The following PPP4R3A variants were observed in gnomAD, a reference collection of about 807,000 sequenced individuals.
The protein encoded by PPP4R3A is serine/threonine-protein phosphatase 4 regulatory subunit 3A.
In PPP4R3A, 15 loss-of-function variants were observed where a neutral mutation model predicts 91.7. The ratio of observed to expected loss-of-function variants is 0.16; its 90% CI spans 0.11 to 0.25. The LOEUF (loss-of-function observed/expected upper bound fraction) is 0.25. Ranked by LOEUF, PPP4R3A falls within the 10% of genes least tolerant of loss-of-function variation. The probability of loss-of-function intolerance (pLI) is 1.00; values close to 1 mark genes in which losing one functional copy is unlikely to be tolerated. For missense variants in PPP4R3A, 623 were observed against 998.4 expected, an observed-to-expected ratio of 0.62 and a Z score of 5.07; for synonymous variants, 377 against 348.7, an observed-to-expected ratio of 1.08 and a Z score of -0.91.
Position 91,470,202 on chromosome 14 carries a change from C to A in PPP4R3A, c.1660+635G>T, listed in dbSNP as rs537885134. On this transcript the variant is annotated intron_variant, in intron 10 of 14. Transcript: ENST00000554943. The stretch of plus-strand genomic sequence containing the variant: ...ACCACTTACATATGGCAACTCATTA[C>A]CTGAGATGTCTGGCTGCTGCTTGAT... Among the ~76,000 whole-genome samples the A allele has an allele frequency of 5.3e-5, 8 of 152,260 alleles. No homozygotes were observed. The South Asian group carries it at 1.5e-3, about 28-fold the overall frequency.
In PPP4R3A at chr14:91,458,678, G is replaced by A. The variant is rs766947577; in HGVS notation, c.*81C>T. The A allele has an allele frequency of 2.2e-5, 35 of 1,596,664 alleles. No homozygotes were observed. The highest frequency in any genetic ancestry group is 6.7e-5 in the East Asian group (3 of 44,766). On this transcript the variant is annotated 3_prime_UTR_variant, in exon 15 of 15. Coordinates refer to ENST00000554943, the MANE Select transcript of PPP4R3A (RefSeq NM_001366432.2). ...TCAGTCATTCACAAGAGACCACTGC[G>A]CTTTGTTGTGGATTTTGTATGGGGG...
Position 91,462,767 on chromosome 14 carries a change from T to G in PPP4R3A, c.1941A>C (p.Gln647His). ...GTTTGGGATTATCTTGCCTTTCTCT[T>G]TGTTGTTCAAATCTCAGTTTTAATC... Reference protein sequence around the residue: ...FKGLKLRFEQQRERQDNPKLD... With the variant: ...FKGLKLRFEQHRERQDNPKLD... Residue 647 changes from glutamine (Q) to histidine (H), a missense_variant, in exon 12 of 15, where the codon CAA becomes CAC. Gln to His is a conservative substitution (Grantham distance 24). Around this residue, in one of 5 missense-constraint regions of PPP4R3A, gnomAD observed 201 missense variants for 229.9 expected, o/e 0.87. Coordinates refer to ENST00000554943, the MANE Select transcript of PPP4R3A (RefSeq NM_001366432.2). The G allele has an allele frequency of 6.2e-7, 1 of 1,613,772 alleles. No homozygotes were observed. Among genetic ancestry groups the G allele is most frequent in the Non-Finnish European group, 8.5e-7 (1 of 1,179,810 alleles).
In PPP4R3A at chr14:91,473,385, A is replaced by G. The variant is rs1266218957; in HGVS notation, c.1267-15T>C. On this transcript the variant is annotated splice_polypyrimidine_tract_variant and intron_variant, in intron 7 of 14. Transcript: ENST00000554943. Reference sequence around the variant, plus strand: ...AGCAAAATATCCTGGAGAGAAAAATAGACATACTCAGGATCACTTATTATG... The same window carrying G: ...AGCAAAATATCCTGGAGAGAAAAATGGACATACTCAGGATCACTTATTATG... 2 of 1,604,830 alleles carry G rather than the reference A, an allele frequency of 1.2e-6. No homozygotes were observed. The highest frequency in any genetic ancestry group is 2.2e-5 in the South Asian group (2 of 89,450).
At chr14:91,505,503 A>C (rs527352639) in intron 1 of PPP4R3A, among the ~76,000 whole-genome samples, 1 of 152,008 alleles carries the variant, frequency 6.6e-6, no homozygotes, top group East Asian at 1.9e-4. Context: ...CCCCTATCAC[A>C]CTATCTCTAG....
intron 14 of PPP4R3A, among the ~76,000 whole-genome samples, chr14:91,459,673 A>G (rs186294013): frequency 6.6e-6 from 1 of 152,020 alleles, no homozygotes; most frequent in African/African-American, 2.4e-5. Context: ...TGTCTCTAAT[A>G]AAATTACAAA....
intron 4 of PPP4R3A, among the ~76,000 whole-genome samples, chr14:91,477,985 T>C (rs1011038128): frequency 2.0e-5 from 3 of 152,178 alleles, no homozygotes; most frequent in Admixed American, 6.5e-5. Flanking sequence ...TGGAAGTAGA[T>C]TCAATACCAC....
At chr14:91,460,329 C>T (rs1465351874) in intron 14 of PPP4R3A, among the ~76,000 whole-genome samples, 3 of 151,580 alleles carry the variant, frequency 2.0e-5, no homozygotes, top group African/African-American at 2.4e-5. Context: ...TGCTTTATTT[C>T]GATGCTAAGG....
intron 1 of PPP4R3A, 82 bp from the exon 2 acceptor site, chr14:91,490,884 A>G: frequency 1.7e-6 from 1 of 577,866 alleles, no homozygotes; most frequent in Non-Finnish European, 2.6e-6. Flanking sequence ...ATATTTCCTT[A>G]AAAAAAATAA....
At chr14:91,480,545 T>A (rs1889494264) in intron 4 of PPP4R3A, among the ~76,000 whole-genome samples, 2 of 152,200 alleles carry the variant, frequency 1.3e-5, no homozygotes, top group Non-Finnish European at 2.9e-5. Context: ...TTTTACAAAT[T>A]CGTTTTAAAT....
intron 4 of PPP4R3A, among the ~76,000 whole-genome samples, chr14:91,478,430 A>T (rs1375454388): frequency 1.3e-5 from 2 of 152,266 alleles, no homozygotes; most frequent in Non-Finnish European, 2.9e-5. Context: ...AACCTGCATT[A>T]AACTGTACCT....
chr14:91,510,442 G>A (rs1347330220), upstream of PPP4R3A: 4 of 152,774 alleles, frequency 2.6e-5, no homozygotes, highest in Non-Finnish European at 5.8e-5. Context: ...GAGTTGCCGA[G>A]GTGGCGGGAG....
At chr14:91,469,982 AAAG>A (rs1159286953) in intron 10 of PPP4R3A, among the ~76,000 whole-genome samples, 9 of 152,268 alleles carry the variant, frequency 5.9e-5, no homozygotes, top group East Asian at 1.9e-4. Context: ...GAAATGAAGT[AAAG>A]AAGATTAGCA....
At chr14:91,491,145 G>T (rs1890213412) in intron 1 of PPP4R3A, among the ~76,000 whole-genome samples, 1 of 152,004 alleles carries the variant, frequency 6.6e-6, no homozygotes, top group Non-Finnish European at 1.5e-5. Context: ...GACCTCAGGT[G>T]ATCCACCAGC....
rs767979735 is a variant in PPP4R3A, at chr14:91,482,203, A to G, written c.298-10T>C. The G allele has an allele frequency of 3.2e-6, 5 of 1,570,094 alleles. No homozygotes were observed. Among genetic ancestry groups the G allele is most frequent in the Admixed American group, 2.0e-5 (1 of 49,432 alleles). On this transcript the variant is annotated splice_polypyrimidine_tract_variant and intron_variant, in intron 3 of 14. Coordinates refer to ENST00000554943, the MANE Select transcript of PPP4R3A (RefSeq NM_001366432.2). ...GGTCCTTTCCTTGAACCTATGAAAAAAAATTTAATTGCTGACAAAATAGAT... is the reference window on the plus strand; with the variant it reads ...GGTCCTTTCCTTGAACCTATGAAAAGAAATTTAATTGCTGACAAAATAGAT...
In PPP4R3A at chr14:91,494,736, C is replaced by T. The variant is rs138369417; in HGVS notation, c.143-3934G>A. On this transcript the variant is annotated intron_variant, in intron 1 of 14. Coordinates refer to ENST00000554943, the MANE Select transcript of PPP4R3A (RefSeq NM_001366432.2). ...AAAAAATTAGCTGGGCATCGTTGTGCATGTCTTTAAACCCAGCTACTCAGG... is the reference window on the plus strand; with the variant it reads ...AAAAAATTAGCTGGGCATCGTTGTGTATGTCTTTAAACCCAGCTACTCAGG... 3.9e-5 allele frequency among the ~76,000 whole-genome samples: 6 copies of T among 152,252 alleles called. No individual in the cohort carries two copies. The East Asian group carries it at 1.2e-3, about 29-fold the overall frequency.
intron 1 of PPP4R3A, among the ~76,000 whole-genome samples, chr14:91,507,367 C>CTATAATTATATATACTATGTAGTATA (rs1566660095): frequency 6.4e-5 from 4 of 62,336 alleles, no homozygotes; most frequent in Non-Finnish European, 9.3e-5. Flanking sequence ...AGTATATATA[C>CTATAATTATATATACTATGTAGTATA]TATAATTATA....
chr14:91,459,369 G>A (rs1887980788), intron 14 of PPP4R3A, among the ~76,000 whole-genome samples: 1 of 152,064 alleles, frequency 6.6e-6, no homozygotes, highest in Non-Finnish European at 1.5e-5. Context: ...GACTCCCAAA[G>A]TGCTGGGATT....
chr14:91,494,749 C>T (rs1286174378), intron 1 of PPP4R3A, among the ~76,000 whole-genome samples: 1 of 152,124 alleles, frequency 6.6e-6, no homozygotes, highest in African/African-American at 2.4e-5. Flanking sequence ...GTCTTTAAAC[C>T]CAGCTACTCA....
At chr14:91,465,633 G>A (rs1888427566) in intron 10 of PPP4R3A, among the ~76,000 whole-genome samples, 1 of 152,084 alleles carries the variant, frequency 6.6e-6, no homozygotes, top group South Asian at 2.1e-4. Flanking sequence ...TGTCATCATA[G>A]AACACAAGTC....
Sources: allele counts gnomAD v4.1 joint callset (sites outside exome capture counted in the v4.1 genomes callset), GRCh38; gene constraint gnomAD v4.1.1; regional missense constraint gnomAD v4.1.1; transcripts MANE v1.5; gene names NCBI Gene and HGNC (gene_info 2026-07-23, HGNC 2026-07-21).